Variants in TENM3 observed in about 807,000 individuals in gnomAD.
The protein encoded by TENM3 is teneurin-3.
In TENM3, 63 loss-of-function variants were observed where a neutral mutation model predicts 255.1. That is an observed-to-expected ratio of 0.25 (90% CI 0.20 to 0.30). The LOEUF is 0.30. Ranked by LOEUF, TENM3 falls within the 10% of genes least tolerant of loss-of-function variation. TENM3 has a pLI of 1.00. For synonymous variants in TENM3, 1,306 were observed against 1,322.3 expected, an observed-to-expected ratio of 0.99 and a Z score of 0.27; for missense variants, 2,929 against 3,461.1, an observed-to-expected ratio of 0.85 and a Z score of 3.86.
chr4:181,734,488 T>C, the TENM3 span, among the ~76,000 whole-genome samples: 1 of 152,106 alleles, frequency 6.6e-6, no homozygotes, highest in Non-Finnish European at 1.5e-5. Context: ...TGAAGATTTT[T>C]GGGTTTGGCA....
intron 3 of TENM3, among the ~76,000 whole-genome samples, chr4:182,480,010 A>G (rs979604237): frequency 2.6e-5 from 4 of 152,076 alleles, no homozygotes; most frequent in African/African-American, 9.6e-5. Flanking sequence ...CACATAATCT[A>G]TTAATATATT....
chr4:181,759,135 G>GT, the TENM3 span, among the ~76,000 whole-genome samples: 1 of 152,218 alleles, frequency 6.6e-6, no homozygotes, highest in Admixed American at 6.5e-5. Context: ...AGCTGGGGAG[G>GT]TTGGAAATAG....
chr4:182,741,613 A>T (rs1200841592), intron 18 of TENM3, among the ~76,000 whole-genome samples: 1 of 152,248 alleles, frequency 6.6e-6, no homozygotes, highest in Non-Finnish European at 1.5e-5. Flanking sequence ...TTATAGCTCC[A>T]TAATTATCAA....
At chr4:182,182,753 C>A (rs949947671) in intron 1 of TENM3, among the ~76,000 whole-genome samples, 4 of 152,112 alleles carry the variant, frequency 2.6e-5, no homozygotes, top group African/African-American at 9.7e-5. Context: ...AAATGCCTGC[C>A]TTATCAGGTT....
chr4:181,655,933 C>T, the TENM3 span, among the ~76,000 whole-genome samples: 1 of 152,112 alleles, frequency 6.6e-6, no homozygotes, highest in Admixed American at 6.5e-5. Context: ...TTTAAATATG[C>T]TAGAAGCCTC....
At chr4:181,713,184 A>C in the TENM3 span, among the ~76,000 whole-genome samples, 3 of 152,238 alleles carry the variant, frequency 2.0e-5, no homozygotes, top group Non-Finnish European at 4.4e-5. Context: ...GTTGAAACTA[A>C]GTGTGCCTTT....
the TENM3 span, among the ~76,000 whole-genome samples, chr4:181,539,252 A>T: frequency 6.6e-6 from 1 of 152,382 alleles, no homozygotes; most frequent in African/African-American, 2.4e-5. Context: ...TAATAGAAAT[A>T]AAGTTGTAAT....
intron 1 of TENM3, among the ~76,000 whole-genome samples, chr4:182,218,755 G>T (rs1168414132): frequency 6.6e-6 from 1 of 152,140 alleles, no homozygotes; most frequent in East Asian, 1.9e-4. Flanking sequence ...TATTGAAAGT[G>T]CACACCTAAT....
chr4:181,862,457 G>A, the TENM3 span, among the ~76,000 whole-genome samples: 8 of 151,434 alleles, frequency 5.3e-5, no homozygotes, highest in East Asian at 9.7e-4. Context: ...CAATACCACC[G>A]TTTTCTTTTT....
intron 3 of TENM3, among the ~76,000 whole-genome samples, chr4:182,600,053 C>T (rs954644505): frequency 1.3e-5 from 2 of 152,202 alleles, no homozygotes; most frequent in African/African-American, 4.8e-5. Context: ...AGTTACAACA[C>T]AGCATTCAAA....
At chr4:181,809,946 C>G in the TENM3 span, among the ~76,000 whole-genome samples, 1 of 152,078 alleles carries the variant, frequency 6.6e-6, no homozygotes, top group Non-Finnish European at 1.5e-5. Flanking sequence ...CTTTTTTGCC[C>G]CTTAAAGCTC....
At chr4:181,460,303 T>C in the TENM3 span, among the ~76,000 whole-genome samples, 1 of 151,904 alleles carries the variant, frequency 6.6e-6, no homozygotes, top group East Asian at 1.9e-4. Flanking sequence ...AGGGTTAAAA[T>C]ATGAGTAGAA....
chr4:182,442,841 C>CATATAT (rs796163852), intron 3 of TENM3, among the ~76,000 whole-genome samples: 8 of 92,336 alleles, frequency 8.7e-5, no homozygotes, highest in Non-Finnish European at 1.4e-4. Context: ...TACATACATA[C>CATATAT]ATATATACAC....
chr4:181,653,576 T>C, the TENM3 span, among the ~76,000 whole-genome samples: 2 of 152,098 alleles, frequency 1.3e-5, no homozygotes, highest in African/African-American at 2.4e-5. Flanking sequence ...AATTTTTGTA[T>C]TTTTAGTAGA....
chr4:182,114,201 A>G, the TENM3 span, among the ~76,000 whole-genome samples: 1 of 152,226 alleles, frequency 6.6e-6, no homozygotes, highest in Admixed American at 6.5e-5. Context: ...AGTTGTTAGA[A>G]TTAAAAGCAG....
chr4:181,858,584 G>A, the TENM3 span, among the ~76,000 whole-genome samples: 12 of 152,190 alleles, frequency 7.9e-5, no homozygotes, highest in Non-Finnish European at 1.5e-4. Context: ...ATCTCATGCA[G>A]AGCCAGGATG....
chr4:182,381,953 G>A (rs186260121), intron 3 of TENM3, among the ~76,000 whole-genome samples: 2 of 152,356 alleles, frequency 1.3e-5, no homozygotes, highest in East Asian at 3.9e-4. Context: ...GTGCTAGGGA[G>A]TAGAGGTCTT....
the TENM3 span, among the ~76,000 whole-genome samples, chr4:181,520,870 T>A: frequency 1.6e-4 from 25 of 152,308 alleles, no homozygotes; most frequent in East Asian, 4.6e-3. Context: ...CCTGAATTAA[T>A]CATGTGGCAT....
chr4:182,278,985 C>T (rs889381004), intron 1 of TENM3, among the ~76,000 whole-genome samples: 2 of 152,210 alleles, frequency 1.3e-5, no homozygotes, highest in African/African-American at 4.8e-5. Flanking sequence ...CGCTTGAAGA[C>T]AAGAGAAGGG....
Sources: allele counts gnomAD v4.1 joint callset (sites outside exome capture counted in the v4.1 genomes callset), GRCh38; gene constraint gnomAD v4.1.1; transcripts MANE v1.5; gene names NCBI Gene and HGNC (gene_info 2026-07-23, HGNC 2026-07-21).